PTPRD: variants seen among roughly 807,000 people sequenced by gnomAD.
PTPRD encodes the protein protein tyrosine phosphatase receptor type D, also known as receptor-type tyrosine-protein phosphatase delta.
In PTPRD, 34 loss-of-function variants were observed where a neutral mutation model predicts 214.5. That is an observed-to-expected ratio of 0.16 (90% CI 0.12 to 0.21). PTPRD has a LOEUF of 0.21. Ranked by LOEUF, PTPRD falls within the 10% of genes least tolerant of loss-of-function variation. The pLI, the probability that PTPRD is intolerant of heterozygous loss-of-function variation, is 1.00. For missense variants in PTPRD, 2,545 were observed against 2,398.7 expected (o/e 1.06, Z -1.27); for synonymous variants, 1,128 against 845.7 (o/e 1.33, Z -5.79).
chr9:8,994,915 G>C (rs2099390770), intron 11 of PTPRD, among the ~76,000 whole-genome samples: 1 of 152,030 alleles, frequency 6.6e-6, no homozygotes, highest in African/African-American at 2.4e-5. Context: ...GAACTTTGCA[G>C]ATATTCTGCA....
At chr9:10,135,016 T>A (rs10958911) in intron 3 of PTPRD, among the ~76,000 whole-genome samples, 19,528 of 152,048 alleles carry the variant, frequency 0.13, 1,371 homozygotes, top group South Asian at 0.26. Context: ...GACATAGCAA[T>A]TTTTTAAAAG....
At chr9:9,322,468 A>G (rs1206528386) in intron 9 of PTPRD, among the ~76,000 whole-genome samples, 1 of 152,184 alleles carries the variant, frequency 6.6e-6, no homozygotes, top group Non-Finnish European at 1.5e-5. Context: ...GTGGAGTTTG[A>G]TTTCAGTGTA....
chr9:9,525,092 C>T (rs2073797320), intron 8 of PTPRD, among the ~76,000 whole-genome samples: 1 of 152,178 alleles, frequency 6.6e-6, no homozygotes, highest in African/African-American at 2.4e-5. Flanking sequence ...CTCTTGACCT[C>T]ATGATCCACC....
intron 11 of PTPRD, among the ~76,000 whole-genome samples, chr9:8,887,974 A>G (rs558136966): frequency 3.3e-5 from 5 of 152,350 alleles, no homozygotes; most frequent in African/African-American, 1.2e-4. Context: ...CATGAAACAC[A>G]TTAGGAAATT....
At chr9:8,853,492 C>T (rs2097857064) in intron 11 of PTPRD, among the ~76,000 whole-genome samples, 1 of 152,034 alleles carries the variant, frequency 6.6e-6, no homozygotes, top group South Asian at 2.1e-4. Flanking sequence ...TAAGTGTCAC[C>T]AGCTACCAAT....
chr9:10,583,809 T>C (rs757938308), intron 2 of PTPRD, among the ~76,000 whole-genome samples: 5 of 152,144 alleles, frequency 3.3e-5, no homozygotes, highest in Admixed American at 2.0e-4. Flanking sequence ...GTGGTATTGA[T>C]AGCTATGCTC....
intron 3 of PTPRD, among the ~76,000 whole-genome samples, chr9:10,315,825 T>C (rs976159115): frequency 6.6e-6 from 1 of 151,780 alleles, no homozygotes; most frequent in African/African-American, 2.4e-5. Context: ...CCCCAGAGAG[T>C]GGCTCATTTG....
At chr9:8,458,780 T>C (rs1591077227) in intron 33 of PTPRD, among the ~76,000 whole-genome samples, 1 of 152,056 alleles carries the variant, frequency 6.6e-6, no homozygotes, top group African/African-American at 2.4e-5. Flanking sequence ...TAGATACAGA[T>C]TGGAATGGAA....
intron 5 of PTPRD, among the ~76,000 whole-genome samples, chr9:9,883,742 T>C (rs1184287887): frequency 6.6e-6 from 1 of 152,180 alleles, no homozygotes; most frequent in African/African-American, 2.4e-5. Context: ...ATAGACATAT[T>C]TATCATTTAG....
intron 12 of PTPRD, among the ~76,000 whole-genome samples, chr9:8,725,263 G>C (rs962035004): frequency 2.0e-5 from 3 of 152,150 alleles, no homozygotes; most frequent in Non-Finnish European, 4.4e-5. Flanking sequence ...GCTTGTTACT[G>C]TTAGAAAATG....
At chr9:8,996,623 C>G (rs2099397826) in intron 11 of PTPRD, among the ~76,000 whole-genome samples, 1 of 152,000 alleles carries the variant, frequency 6.6e-6, no homozygotes, top group Admixed American at 6.6e-5. Context: ...AAGGCACCAG[C>G]AGATTCAGTG....
intron 9 of PTPRD, among the ~76,000 whole-genome samples, chr9:9,336,066 A>G (rs531093031): frequency 9.2e-5 from 14 of 152,290 alleles, no homozygotes; most frequent in African/African-American, 3.4e-4. Context: ...ATATATTTCC[A>G]TCACAGGTTA....
At position 10,373,166 on chromosome 9, in the gene PTPRD, G is replaced by A. The variant is rs1598381089; in HGVS notation, c.-599-32149C>T. ...ACTTAAAAAAAAAAAAAAAATTGAT[G>A]AAGTTTACAAAAATTCAACATAAAG... On this transcript the variant is annotated intron_variant, in intron 2 of 45. Transcript: ENST00000381196. Among the ~76,000 whole-genome samples, 6 of 148,300 alleles carry A rather than the reference G, an allele frequency of 4.0e-5. No homozygotes were observed. The South Asian group carries it at 1.3e-3, about 32-fold the overall frequency.
At chr9:9,068,867 C>T (rs935855637) in intron 10 of PTPRD, among the ~76,000 whole-genome samples, 1 of 152,098 alleles carries the variant, frequency 6.6e-6, no homozygotes, top group Admixed American at 6.5e-5. Context: ...TCCTTGACCC[C>T]CCAAAGTATT....
chr9:10,159,155 T>G (rs890753224), intron 3 of PTPRD, among the ~76,000 whole-genome samples: 3 of 150,360 alleles, frequency 2.0e-5, no homozygotes, highest in Admixed American at 6.7e-5. Flanking sequence ...TACCATCTAC[T>G]CTCAAAAAAG....
intron 2 of PTPRD, among the ~76,000 whole-genome samples, chr9:10,444,512 T>C (rs976043396): frequency 6.6e-6 from 1 of 151,872 alleles, no homozygotes; most frequent in Non-Finnish European, 1.5e-5. Flanking sequence ...TGTGATATTA[T>C]TCTACTTTAA....
At chr9:10,485,114 A>G (rs2099124229) in intron 2 of PTPRD, among the ~76,000 whole-genome samples, 1 of 151,796 alleles carries the variant, frequency 6.6e-6, no homozygotes, top group Non-Finnish European at 1.5e-5. Flanking sequence ...CTATTTATTC[A>G]CCAGATTGTC....
intron 5 of PTPRD, among the ~76,000 whole-genome samples, chr9:9,777,051 A>T (rs1212218681): frequency 1.3e-5 from 2 of 152,212 alleles, no homozygotes; most frequent in Non-Finnish European, 2.9e-5. Flanking sequence ...TTATAAACAC[A>T]TAGCTTGTCA....
intron 5 of PTPRD, among the ~76,000 whole-genome samples, chr9:9,804,557 C>T (rs1421942444): frequency 3.9e-5 from 6 of 152,066 alleles, no homozygotes; most frequent in South Asian, 2.1e-4. Flanking sequence ...GGAAGACTCT[C>T]AGATTTTATT....
Sources: gnomAD v4.1 joint callset for allele counts (sites outside exome capture counted in the v4.1 genomes callset) on GRCh38, gnomAD v4.1.1 for gene constraint, MANE v1.5 for transcripts, NCBI Gene and HGNC (gene_info 2026-07-23, HGNC 2026-07-21) for gene names.